FDX1: variants seen among roughly 807,000 people sequenced by gnomAD.
FDX1 encodes the protein adrenodoxin, mitochondrial.
Under a neutral mutation model 14.9 loss-of-function variants are expected in FDX1, and 9 were observed. The ratio of observed to expected loss-of-function variants is 0.60; its 90% CI spans 0.36 to 1.05. FDX1 has a LOEUF of 1.05. Among genes scored for constraint, FDX1 ranks in the 50% least tolerant of loss-of-function variants. FDX1 has a pLI of 0.01. For missense variants in FDX1, 204 were observed against 237.2 expected (o/e 0.86, Z 0.92); for synonymous variants, 92 against 99.4 (o/e 0.93, Z 0.44).
In FDX1 at chr11:110,435,663, C is replaced by A. The variant is rs189887469; in HGVS notation, c.186-171C>A. On this transcript the variant is annotated intron_variant, in intron 1 of 3. Transcript: ENST00000260270. The stretch of plus-strand genomic sequence containing the variant: ...AGGAATTTGAGACCAGCTTGAGCAA[C>A]ATGGTGGCACCCCGTCACTACAAAA... Among the ~76,000 whole-genome samples the A allele has an allele frequency of 3.9e-5, 6 of 152,296 alleles. No individual in the cohort carries two copies. The East Asian group carries it at 7.7e-4, about 20-fold the overall frequency.
At chr11:110,453,618 T>G (rs1946501111) in intron 2 of FDX1, among the ~76,000 whole-genome samples, 1 of 151,974 alleles carries the variant, frequency 6.6e-6, no homozygotes, top group Non-Finnish European at 1.5e-5. Context: ...TCTCTAAAAT[T>G]CTTTAATTTT....
At chr11:110,458,047 C>G (rs919192398) in intron 3 of FDX1, among the ~76,000 whole-genome samples, 2 of 152,264 alleles carry the variant, frequency 1.3e-5, no homozygotes. Flanking sequence ...CTATGAGCAC[C>G]TCCTTTCTTC....
In FDX1 at chr11:110,430,109, C is replaced by T; in HGVS notation, c.-12C>T. The T allele has an allele frequency of 8.1e-7, 1 of 1,231,600 alleles. No individual in the cohort carries two copies. Among genetic ancestry groups the T allele is most frequent in the Non-Finnish European group, 1.0e-6 (1 of 989,202 alleles). 76.3% of individuals were successfully genotyped at this position (1,231,600 alleles called of 1,614,324 possible). ...GGCCTGCGTCGCTTCCGGCAGTTCCCGACCGCGGGCGATGGCTGCCGCTGG... is the reference window on the plus strand; with the variant it reads ...GGCCTGCGTCGCTTCCGGCAGTTCCTGACCGCGGGCGATGGCTGCCGCTGG... On this transcript the variant is annotated 5_prime_UTR_variant, in exon 1 of 4. Transcript: ENST00000260270.
Position 110,432,301 on chromosome 11 carries a change from T to G in FDX1, c.185+1996T>G, listed in dbSNP as rs151332828. On this transcript the variant is annotated intron_variant, in intron 1 of 3. Coordinates refer to ENST00000260270, the MANE Select transcript of FDX1 (RefSeq NM_004109.5). ...TTTCGTATGACTCTTAAGACAATTC[T>G]ATGAGGTAGGGAGGGTAGATAAATG... Among the ~76,000 whole-genome samples the G allele has an allele frequency of 4.5e-3, 685 of 152,304 alleles. 5 individuals are homozygous for G. The highest frequency in any genetic ancestry group is 0.016 in the African/African-American group (654 of 41,548).
At chr11:110,449,793 A>G (rs548986643) in intron 2 of FDX1, among the ~76,000 whole-genome samples, 4 of 152,122 alleles carry the variant, frequency 2.6e-5, no homozygotes, top group South Asian at 4.2e-4. Flanking sequence ...ACACCCAGCT[A>G]ATTTTTGTAT....
Position 110,462,608 on chromosome 11 carries a change from A to G in FDX1, c.*140A>G, listed in dbSNP as rs1591256422. ...CTATTTTAATTCACCTTGCATAACT[A>G]CTGAATTTTGTCATTCTTGAAAGTA... On this transcript the variant is annotated 3_prime_UTR_variant, in exon 4 of 4. Coordinates refer to ENST00000260270, the MANE Select transcript of FDX1 (RefSeq NM_004109.5). The G allele has an allele frequency of 2.4e-6, 1 of 414,332 alleles. No individual in the cohort carries two copies. Among genetic ancestry groups the G allele is most frequent in the Non-Finnish European group, 4.2e-6 (1 of 236,490 alleles). The allele number at this position is 414,332 out of a possible 1,614,324, so 25.7% of individuals were successfully genotyped here. A position where few individuals can be genotyped will look rare whatever the true frequency, so the allele number is the denominator to read the frequency against.
At chr11:110,437,258 T>G (rs1351760580) in intron 2 of FDX1, among the ~76,000 whole-genome samples, 1 of 152,228 alleles carries the variant, frequency 6.6e-6, no homozygotes, top group African/African-American at 2.4e-5. Flanking sequence ...CCTCCCAAAG[T>G]GCTGGCATTA....
At chr11:110,459,447 T>C (rs1229220689) in intron 3 of FDX1, among the ~76,000 whole-genome samples, 1 of 152,208 alleles carries the variant, frequency 6.6e-6, no homozygotes, top group Non-Finnish European at 1.5e-5. Context: ...ATCACCATGT[T>C]GTAGGTGGGG....
chr11:110,433,885 T>C (rs1345684308), intron 1 of FDX1, among the ~76,000 whole-genome samples: 1 of 152,226 alleles, frequency 6.6e-6, no homozygotes, highest in East Asian at 1.9e-4. Flanking sequence ...ACTTTCGAGA[T>C]AGTTATGGCT....
At chr11:110,435,482 A>G (rs1448661776) in intron 1 of FDX1, among the ~76,000 whole-genome samples, 3 of 152,248 alleles carry the variant, frequency 2.0e-5, no homozygotes, top group African/African-American at 2.4e-5. Flanking sequence ...CCTGTAAGGT[A>G]GTAGAGCTTA....
At chr11:110,453,861 G>A (rs149628919) in intron 2 of FDX1, among the ~76,000 whole-genome samples, 253 of 152,292 alleles carry the variant, frequency 1.7e-3, no homozygotes, top group African/African-American at 5.5e-3. Flanking sequence ...CAGTCTGACC[G>A]TTAGCTTTCT....
rs551498707 is a variant in FDX1 at position 110,460,945 on chromosome 11, CA to C, written c.441-1408del. On this transcript the variant is annotated intron_variant, in intron 3 of 3. Coordinates refer to ENST00000260270, the MANE Select transcript of FDX1 (RefSeq NM_004109.5). ...GAGTTGATTTGCTCTTCCTCATTGA[CA>C]TTTAGTGTTGTGCCTTTAGGTGCTC... Among the ~76,000 whole-genome samples, 496 of 152,276 alleles carry C rather than the reference CA, an allele frequency of 3.3e-3. 1 individual carries two copies. Among genetic ancestry groups the C allele is most frequent in the Admixed American group, 8.7e-3 (133 of 15,292 alleles).
At chr11:110,460,580 C>T (rs1946550397) in intron 3 of FDX1, among the ~76,000 whole-genome samples, 1 of 152,226 alleles carries the variant, frequency 6.6e-6, no homozygotes, top group Non-Finnish European at 1.5e-5. Context: ...TCTTCTTAGA[C>T]CTCTCAGAGC....
At chr11:110,459,498 A>T (rs1326387285) in intron 3 of FDX1, among the ~76,000 whole-genome samples, 2 of 152,234 alleles carry the variant, frequency 1.3e-5, no homozygotes, top group Non-Finnish European at 2.9e-5. Flanking sequence ...AAGGCTGCAC[A>T]GCTAGTGGGT....
intron 1 of FDX1, among the ~76,000 whole-genome samples, chr11:110,433,527 T>A (rs1946345109): frequency 6.6e-6 from 1 of 152,264 alleles, no homozygotes; most frequent in Admixed American, 6.5e-5. Context: ...CTGCATTCTC[T>A]GTCCCTGATT....
intron 2 of FDX1, among the ~76,000 whole-genome samples, chr11:110,440,496 C>T (rs1361471617): frequency 6.6e-6 from 1 of 152,108 alleles, no homozygotes; most frequent in Non-Finnish European, 1.5e-5. Context: ...TTGATTTCTG[C>T]CATATGGTGG....
chr11:110,434,592 C>A (rs922229129), intron 1 of FDX1, among the ~76,000 whole-genome samples: 41 of 152,016 alleles, frequency 2.7e-4, no homozygotes, highest in African/African-American at 9.7e-4. Context: ...CTTGGCCTCC[C>A]AAAGTGTTGG....
intron 1 of FDX1, among the ~76,000 whole-genome samples, chr11:110,433,736 T>TAC (rs10568169): frequency 3.0e-4 from 45 of 151,600 alleles, no homozygotes; most frequent in Admixed American, 7.9e-4. Flanking sequence ...AACATTCTGG[T>TAC]ACACACACAC....
intron 2 of FDX1, among the ~76,000 whole-genome samples, chr11:110,451,502 T>G (rs1217710231): frequency 6.6e-6 from 1 of 152,164 alleles, no homozygotes; most frequent in Admixed American, 6.5e-5. Flanking sequence ...TGAAAATTAG[T>G]TCAACCATTG....
Sources: allele counts gnomAD v4.1 joint callset (sites outside exome capture counted in the v4.1 genomes callset), GRCh38; gene constraint gnomAD v4.1.1; transcripts MANE v1.5; gene names NCBI Gene and HGNC (gene_info 2026-07-23, HGNC 2026-07-21).